The following NECAB1 variants were observed in gnomAD, a reference collection of about 807,000 sequenced individuals.
NECAB1 encodes N-terminal EF-hand calcium binding protein 1, also known as N-terminal EF-hand calcium-binding protein 1.
NECAB1 carries 29 observed loss-of-function variants against 57.5 expected under a neutral mutation model. The observed-to-expected ratio is 0.50, with a 90% CI of 0.38 to 0.69. NECAB1 has a LOEUF of 0.69. NECAB1 is among the 30% of genes least tolerant of loss of function. The pLI, the probability that NECAB1 is intolerant of heterozygous loss-of-function variation, is 0.00. For missense variants in NECAB1, 372 were observed against 413.8 expected (o/e 0.90, Z 0.88); for synonymous variants, 142 against 147.7 (o/e 0.96, Z 0.28).
intron 2 of NECAB1, among the ~76,000 whole-genome samples, chr8:90,804,700 T>G (rs549763345): frequency 6.6e-6 from 1 of 152,182 alleles, no homozygotes; most frequent in Admixed American, 6.5e-5. Flanking sequence ...CTCTATTATT[T>G]CTCTCTCTTC....
chr8:90,924,025 C>T (rs769641622), intron 6 of NECAB1, among the ~76,000 whole-genome samples: 7 of 152,138 alleles, frequency 4.6e-5, no homozygotes, highest in Non-Finnish European at 8.8e-5. Context: ...CATTATAATG[C>T]TAATAAAAGT....
At chr8:90,860,210 C>T (rs1812874188) in intron 3 of NECAB1, among the ~76,000 whole-genome samples, 1 of 150,970 alleles carries the variant, frequency 6.6e-6, no homozygotes, top group Admixed American at 6.6e-5. Context: ...ATGGCCCTGG[C>T]ATCAGTGTTT....
In NECAB1 at chr8:90,958,946, T is replaced by C. The variant is rs1586158025; in HGVS notation, c.*3434T>C. On this transcript the variant is annotated 3_prime_UTR_variant, in exon 13 of 13. Transcript: ENST00000417640. Reference sequence around the variant, plus strand: ...GAATTGTCACAGTCCATTACAGTTATTGTTGCTAGATCCACCTCATTTGCA... The same window carrying C: ...GAATTGTCACAGTCCATTACAGTTACTGTTGCTAGATCCACCTCATTTGCA... 1.0e-6 allele frequency: 1 copy of C among 1,002,822 alleles called. No homozygotes were observed. The highest frequency in any genetic ancestry group is 2.6e-5 in the Admixed American group (1 of 38,774). 62.1% of individuals were successfully genotyped at this position (1,002,822 alleles called of 1,614,324 possible).
intron 10 of NECAB1, among the ~76,000 whole-genome samples, chr8:90,948,004 G>A (rs1343359246): frequency 6.6e-6 from 1 of 152,190 alleles, no homozygotes; most frequent in Non-Finnish European, 1.5e-5. Flanking sequence ...GTAAACAAAT[G>A]AATTAGTTTT....
intron 10 of NECAB1, among the ~76,000 whole-genome samples, chr8:90,943,202 A>G (rs1030845693): frequency 6.6e-6 from 1 of 152,158 alleles, no homozygotes; most frequent in African/African-American, 2.4e-5. Context: ...TGCAAATTCC[A>G]TTCTCTCAAT....
intron 3 of NECAB1, among the ~76,000 whole-genome samples, chr8:90,856,716 A>G (rs1290485589): frequency 6.6e-6 from 1 of 152,248 alleles, no homozygotes; most frequent in Non-Finnish European, 1.5e-5. Context: ...CTACAGGTCT[A>G]TCCAGCATCC....
chr8:90,863,822 A>T (rs1264973725), intron 3 of NECAB1, among the ~76,000 whole-genome samples: 1 of 152,204 alleles, frequency 6.6e-6, no homozygotes, highest in Non-Finnish European at 1.5e-5. Context: ...CAGAACAAGA[A>T]GCAGTTCTAC....
At chr8:90,795,701 A>ATC (rs144166896) in intron 1 of NECAB1, among the ~76,000 whole-genome samples, 1,926 of 140,158 alleles carry the variant, frequency 0.014, 23 homozygotes, top group African/African-American at 0.04. Flanking sequence ...ATCTCACCTC[A>ATC]TCTCTCTCAC....
chr8:90,874,686 T>G (rs1808682125), intron 4 of NECAB1, among the ~76,000 whole-genome samples: 1 of 152,232 alleles, frequency 6.6e-6, no homozygotes, highest in African/African-American at 2.4e-5. Flanking sequence ...CTCATGAACC[T>G]TAATTTTTTT....
At chr8:90,823,155 A>G (rs540857093) in intron 2 of NECAB1, among the ~76,000 whole-genome samples, 1 of 151,942 alleles carries the variant, frequency 6.6e-6, no homozygotes, top group South Asian at 2.1e-4. Context: ...TTGTTATGTC[A>G]CCTGAATCGC....
chr8:90,906,891 A>ATGTATATATATATG (rs1554574081), intron 5 of NECAB1, among the ~76,000 whole-genome samples: 11 of 113,400 alleles, frequency 9.7e-5, no homozygotes, highest in African/African-American at 4.0e-4. Context: ...ATATATATAT[A>ATGTATATATATATG]TATATATATA....
At chr8:90,949,369 A>G (rs1208234756) in intron 10 of NECAB1, among the ~76,000 whole-genome samples, 2 of 152,162 alleles carry the variant, frequency 1.3e-5, no homozygotes, top group African/African-American at 4.8e-5. Context: ...GGAATGTTGT[A>G]TGGCTAAGAA....
rs1161241108 is a variant in NECAB1 at position 90,959,350 on chromosome 8, G to T, written c.*3838G>T. 4 of 164,564 alleles carry T rather than the reference G, an allele frequency of 2.4e-5. No homozygotes were observed. Among genetic ancestry groups the T allele is most frequent in the African/African-American group, 9.6e-5 (4 of 41,764 alleles). 10.2% of individuals were successfully genotyped at this position (164,564 alleles called of 1,614,324 possible). A position where few individuals can be genotyped will look rare whatever the true frequency, so the allele number is the denominator to read the frequency against. On this transcript the variant is annotated 3_prime_UTR_variant, in exon 13 of 13. Coordinates refer to ENST00000417640, the MANE Select transcript of NECAB1 (RefSeq NM_022351.5). ...AATGTACAAGTTTGTTTTAAAAAGTGTATGTCAAGCTTTTATTTACACAAT... is the reference window on the plus strand; with the variant it reads ...AATGTACAAGTTTGTTTTAAAAAGTTTATGTCAAGCTTTTATTTACACAAT...
chr8:90,796,251 G>T (rs1811659758), intron 1 of NECAB1, among the ~76,000 whole-genome samples: 5 of 152,122 alleles, frequency 3.3e-5, no homozygotes, highest in Admixed American at 3.3e-4. Context: ...ACCCCAGGCA[G>T]TCTAATGATT....
chr8:90,794,509 G>T (rs1237441379), intron 1 of NECAB1, among the ~76,000 whole-genome samples: 1 of 152,094 alleles, frequency 6.6e-6, no homozygotes, highest in Non-Finnish European at 1.5e-5. Context: ...AATGTCACTG[G>T]AATAATCAAT....
intron 3 of NECAB1, among the ~76,000 whole-genome samples, chr8:90,837,881 TTAATC>T (rs1278118332): frequency 2.0e-5 from 3 of 152,224 alleles, no homozygotes; most frequent in Non-Finnish European, 4.4e-5. Context: ...GTTTTACTAT[TTAATC>T]TAATTGTTTC....
At chr8:90,798,067 T>A (rs1377014257) in intron 1 of NECAB1, among the ~76,000 whole-genome samples, 1 of 152,224 alleles carries the variant, frequency 6.6e-6, no homozygotes, top group Non-Finnish European at 1.5e-5. Context: ...TGTATCATAC[T>A]TCCTCTCTTG....
At chr8:90,793,939 A>C (rs1421625842) in intron 1 of NECAB1, among the ~76,000 whole-genome samples, 1 of 152,216 alleles carries the variant, frequency 6.6e-6, no homozygotes, top group Non-Finnish European at 1.5e-5. Flanking sequence ...GATTGTTTCC[A>C]AGTCTGTAAA....
chr8:90,868,640 A>C (rs1808562740), intron 3 of NECAB1, among the ~76,000 whole-genome samples: 1 of 152,246 alleles, frequency 6.6e-6, no homozygotes, highest in Non-Finnish European at 1.5e-5. Flanking sequence ...GCAGCAAAGC[A>C]TTCAAGATGT....
Sources: gnomAD v4.1 joint callset for allele counts (sites outside exome capture counted in the v4.1 genomes callset) on GRCh38, gnomAD v4.1.1 for gene constraint, MANE v1.5 for transcripts, NCBI Gene and HGNC (gene_info 2026-07-23, HGNC 2026-07-21) for gene names.